The following TTLL10 variants were observed in gnomAD, a reference collection of about 807,000 sequenced individuals.
TTLL10 encodes the protein tubulin tyrosine ligase like 10.
In TTLL10, 61 loss-of-function variants were observed where a neutral mutation model predicts 69.0. That is an observed-to-expected ratio of 0.88 (90% CI 0.72 to 1.09). TTLL10 has a LOEUF of 1.09. Among genes scored for constraint, TTLL10 ranks in the 50% least tolerant of loss-of-function variants. The pLI is 0.00. For missense variants in TTLL10, 962 were observed against 945.9 expected (o/e 1.02, Z -0.22); for synonymous variants, 408 against 393.3 (o/e 1.04, Z -0.44).
intron 15 of TTLL10, 56 bp from the exon 16 acceptor site, chr1:1,197,382 C>T: frequency 1.2e-6 from 1 of 804,562 alleles, no homozygotes; most frequent in Non-Finnish European, 1.9e-6. Context: ...CCCTCCCCAC[C>T]CCCTCCAGCC....
At chr1:1,174,200 C>G (rs368350062) in intron 1 of TTLL10, 85 bp from the exon 2 acceptor site, 1 of 152,516 alleles carries the variant, frequency 6.6e-6, no homozygotes, top group Admixed American at 6.5e-5. Context: ...GGACGAGCTC[C>G]GTGGCCTGGG....
At chr1:1,184,160 T>G (rs1041302732) in intron 12 of TTLL10, 69 bp downstream of exon 12, 18 of 1,595,138 alleles carry the variant, frequency 1.1e-5, no homozygotes, top group Non-Finnish European at 1.5e-5. Context: ...TTCTCACTGC[T>G]AGGGGGTGCA....
At chr1:1,182,236 G>A (rs563360335) in intron 9 of TTLL10, 125 bp from the exon 10 acceptor site, 65 of 815,208 alleles carry the variant, frequency 8.0e-5, no homozygotes, top group South Asian at 5.3e-4. Flanking sequence ...CAAGGAGAAC[G>A]GCCGCGGGCG....
intron 9 of TTLL10, 71 bp from the exon 10 acceptor site, chr1:1,182,290 G>A: frequency 7.3e-7 from 1 of 1,373,764 alleles, no homozygotes; most frequent in Admixed American, 1.7e-5. Flanking sequence ...GCCACAGGCT[G>A]GGCCTCAAAC....
intron 11 of TTLL10, 130 bp downstream of exon 11, chr1:1,183,177 C>A: frequency 8.5e-7 from 1 of 1,173,218 alleles, no homozygotes; most frequent in Non-Finnish European, 1.2e-6. Flanking sequence ...CCTGTGCAGA[C>A]CACAGCCGGG....
intron 3 of TTLL10, among the ~76,000 whole-genome samples, chr1:1,178,805 G>A (rs933208015): frequency 2.5e-4 from 38 of 152,260 alleles, no homozygotes; most frequent in Non-Finnish European, 4.9e-4. Context: ...GGTCAGCAGC[G>A]GAGACAGAGA....
intron 13 of TTLL10, among the ~76,000 whole-genome samples, chr1:1,186,897 G>A (rs930281541): frequency 6.6e-6 from 1 of 150,758 alleles, no homozygotes. Context: ...CCAGGCTGGA[G>A]TGCAGTGATG....
Position 1,182,414 on chromosome 1 carries a change from A to G in TTLL10, c.884A>G (p.His295Arg). The change falls in exon 10 of 16, where the codon CAC (histidine) becomes CGC (arginine). Residue 295 changes from histidine to arginine, a missense_variant. By Grantham distance (29) the His-to-Arg change is conservative. Coordinates refer to ENST00000379289, the MANE Select transcript of TTLL10 (RefSeq NM_001130045.2). The part of the protein sequence containing the change: ...FPETYRLDLK[H>R]EREAFFTLFD... The stretch of plus-strand genomic sequence containing the variant: ...GAGACCTACCGCCTGGACCTCAAAC[A>G]CGAGAGAGAGGCCTTTTTCACCTTG... 6.2e-7 allele frequency: 1 copy of G among 1,613,850 alleles called. No individual in the cohort carries two copies. Among genetic ancestry groups the G allele is most frequent in the Non-Finnish European group, 8.5e-7 (1 of 1,179,856 alleles).
intron 7 of TTLL10, 28 bp from the exon 8 acceptor site, chr1:1,180,703 C>T (rs1220213827): frequency 1.3e-6 from 2 of 1,592,438 alleles, no homozygotes; most frequent in South Asian, 1.1e-5. Context: ...GCGCTCCCTC[C>T]ACACGAGCCC....
rs371917109 is a variant in TTLL10, at chr1:1,180,465, C to T, written c.507-18C>T. The T allele has an allele frequency of 1.6e-5, 25 of 1,538,632 alleles. No individual in the cohort carries two copies. Among genetic ancestry groups the T allele is most frequent in the Middle Eastern group, 4.2e-4 (2 of 4,800 alleles). ...CTTGCCTCGGCCCCCAGGTCACCCC[C>T]GCCCCCACCCCTCGCAGCATCAGCT... On this transcript the variant is annotated intron_variant, in intron 6 of 15. Transcript: ENST00000379289.
At chr1:1,190,111 CA>C (rs941009566) in intron 13 of TTLL10, among the ~76,000 whole-genome samples, 1,342 of 74,188 alleles carry the variant, frequency 0.018, 9 homozygotes, top group African/African-American at 0.048. Context: ...GACCCCGTCT[CA>C]AAAAAAAAAA....
At position 1,179,210 on chromosome 1, in the gene TTLL10, CG is replaced by C. The variant is rs1557472924; in HGVS notation, c.-4del. 1 of 1,537,356 alleles carries C rather than the reference CG, an allele frequency of 6.5e-7. No homozygotes were observed. Among genetic ancestry groups the C allele is most frequent in the Admixed American group, 2.0e-5 (1 of 49,596 alleles). On this transcript the variant is annotated 5_prime_UTR_variant, in exon 4 of 16. Coordinates refer to ENST00000379289, the MANE Select transcript of TTLL10 (RefSeq NM_001130045.2). ...TCAGGGCCCTCGCCCGGGCACCCCC[CG>C]GCCAATGGACCACAGCTGCACCCGG...
chr1:1,189,947 C>T (rs1393437847), intron 13 of TTLL10, among the ~76,000 whole-genome samples: 4 of 151,970 alleles, frequency 2.6e-5, no homozygotes, highest in Non-Finnish European at 5.9e-5. Context: ...CCCGTCTCTA[C>T]TAAAAATACA....
chr1:1,177,004 CTG>C (rs2100845394), intron 3 of TTLL10, among the ~76,000 whole-genome samples: 2 of 152,078 alleles, frequency 1.3e-5, no homozygotes, highest in East Asian at 3.9e-4. Flanking sequence ...GTCTGTGTGT[CTG>C]TGTGTCTACA....
intron 13 of TTLL10, among the ~76,000 whole-genome samples, chr1:1,190,823 TTTTA>T (rs1265101091): frequency 6.6e-6 from 1 of 152,098 alleles, no homozygotes; most frequent in Non-Finnish European, 1.5e-5. Context: ...GTATTTTTAT[TTTTA>T]TTTTTTATTT....
Position 1,185,742 on chromosome 1 carries a change from C to T in TTLL10, c.1401+633C>T. The T allele has an allele frequency of 1.0e-6, 1 of 985,550 alleles. No individual in the cohort carries two copies. The highest frequency in any genetic ancestry group is 1.2e-6 in the Non-Finnish European group (1 of 830,002). 61.1% of individuals were successfully genotyped at this position (985,550 alleles called of 1,614,324 possible). A position where few individuals can be genotyped will look rare whatever the true frequency, so the allele number is the denominator to read the frequency against. On this transcript the variant is annotated intron_variant, in intron 13 of 15. Transcript: ENST00000379289. The surrounding 1 kb of genome is among the most constrained non-coding windows in gnomAD (Gnocchi z 6.1). Reference sequence around the variant, plus strand: ...GCCAGGGATGGTCCTTCCTCACCCACAGGCGTGTGTCACTGTGGCTGGGAC... The same window carrying T: ...GCCAGGGATGGTCCTTCCTCACCCATAGGCGTGTGTCACTGTGGCTGGGAC...
At chr1:1,182,313 C>T in intron 9 of TTLL10, 48 bp from the exon 10 acceptor site, 2 of 1,567,458 alleles carry the variant, frequency 1.3e-6, no homozygotes, top group Non-Finnish European at 8.8e-7. Flanking sequence ...CCCACCCAGC[C>T]AGGGGCGAAG....
chr1:1,179,130 T>A (rs1015856529), intron 3 of TTLL10, 59 bp from the exon 4 acceptor site: 2 of 1,207,126 alleles, frequency 1.7e-6, no homozygotes, highest in African/African-American at 3.1e-5. Context: ...ATCCAAGCAC[T>A]GGGGCCTCGG....
At position 1,197,073 on chromosome 1, in the gene TTLL10, C is replaced by G; in HGVS notation, c.1519-20C>G. On this transcript the variant is annotated intron_variant, in intron 14 of 15. Coordinates refer to ENST00000379289, the MANE Select transcript of TTLL10 (RefSeq NM_001130045.2). ...CCAGTGGGCTCGGGGTGAGGAGGGA[C>G]TGACTGGCGTCTGGGGCAGGTATGG... 1.9e-6 allele frequency: 3 copies of G among 1,550,820 alleles called. No individual in the cohort carries two copies. Among genetic ancestry groups the G allele is most frequent in the Non-Finnish European group, 2.6e-6 (3 of 1,146,450 alleles).
Sources: allele counts gnomAD v4.1 joint callset (sites outside exome capture counted in the v4.1 genomes callset), GRCh38; gene constraint gnomAD v4.1.1; non-coding constraint Gnocchi (gnomAD v3.1); transcripts MANE v1.5; gene names NCBI Gene and HGNC (gene_info 2026-07-23, HGNC 2026-07-21).